Variants in BAZ2B observed in about 807,000 individuals in gnomAD.
BAZ2B encodes the protein bromodomain adjacent to zinc finger domain 2B.
BAZ2B carries 91 observed loss-of-function variants against 246.0 expected under a neutral mutation model. That is an observed-to-expected ratio of 0.37 (90% CI 0.31 to 0.44). The LOEUF is 0.44. BAZ2B is among the 20% of genes least tolerant of loss of function. The pLI, the probability that BAZ2B is intolerant of heterozygous loss-of-function variation, is 1.00. For synonymous variants in BAZ2B, 855 were observed against 860.0 expected, an observed-to-expected ratio of 0.99 and a Z score of 0.10; for missense variants, 2,332 against 2,533.7, an observed-to-expected ratio of 0.92 and a Z score of 1.71.
the BAZ2B span, among the ~76,000 whole-genome samples, chr2:159,708,565 A>C: frequency 3.1e-5 from 2 of 64,904 alleles, no homozygotes; most frequent in African/African-American, 1.3e-4. Context: ...TTATTTATTT[A>C]TTTATTTATT....
the BAZ2B span, among the ~76,000 whole-genome samples, chr2:159,649,825 T>C: frequency 2.0e-5 from 3 of 152,330 alleles, no homozygotes; most frequent in South Asian, 4.1e-4. Flanking sequence ...AAATATATTA[T>C]GCTATATTTA....
At chr2:159,410,134 G>C (rs778994475) in intron 14 of BAZ2B, among the ~76,000 whole-genome samples, 3 of 152,126 alleles carry the variant, frequency 2.0e-5, no homozygotes, top group Non-Finnish European at 2.9e-5. Context: ...TGCAAACAAT[G>C]TCCACATTCC....
chr2:159,387,279 G>T lies in BAZ2B; in HGVS notation c.3217-672C>A, dbSNP rs545794767. On this transcript the variant is annotated intron_variant, in intron 21 of 36. Transcript: ENST00000392783. Reference sequence around the variant, plus strand: ...TTCAGTATTAAAATTAGCTATCTCTGTTGTTATTTCTCAAATATGCTCACA... The same window carrying T: ...TTCAGTATTAAAATTAGCTATCTCTTTTGTTATTTCTCAAATATGCTCACA... Among the ~76,000 whole-genome samples the T allele has an allele frequency of 3.9e-5, 6 of 152,166 alleles. No homozygotes were observed. In the East Asian group the frequency reaches 1.2e-3, roughly 30 times the overall value.
At chr2:159,632,271 G>A in the BAZ2B span, among the ~76,000 whole-genome samples, 2 of 152,088 alleles carry the variant, frequency 1.3e-5, no homozygotes, top group Non-Finnish European at 2.9e-5. Flanking sequence ...GTTCACCCAA[G>A]CCAGTCACAC....
intron 2 of BAZ2B, among the ~76,000 whole-genome samples, chr2:159,504,219 A>G (rs1439502501): frequency 6.6e-6 from 1 of 152,018 alleles, no homozygotes; most frequent in East Asian, 1.9e-4. Context: ...TGTGCAGGTT[A>G]GTTACATATG....
intron 10 of BAZ2B, among the ~76,000 whole-genome samples, chr2:159,429,765 AAAATTTTCTAAGACCGAGATC>A (rs1446005113): frequency 4.6e-5 from 7 of 152,314 alleles, no homozygotes; most frequent in Admixed American, 1.3e-4. Context: ...ATTTTATGTA[AAAATTTTCTAAGACCGAGATC>A]AAGTTTCACA....
chr2:159,470,208 A>T (rs148914032), intron 3 of BAZ2B, among the ~76,000 whole-genome samples: 68 of 152,384 alleles, frequency 4.5e-4, no homozygotes, highest in African/African-American at 1.5e-3. Context: ...ATCATTTCAA[A>T]AAGTGCAGAA....
intron 24 of BAZ2B, 114 bp downstream of exon 24, chr2:159,383,492 T>C (rs2062250290): frequency 2.2e-6 from 2 of 916,446 alleles, no homozygotes; most frequent in African/African-American, 1.7e-5. Context: ...AAATTGAGCA[T>C]TATCTTTTCT....
rs917095841 is a variant in BAZ2B at position 159,319,181 on chromosome 2, G to A, written c.*1084C>T. ...TAGATAAAACACAGTGGTTACAAAC[G>A]TCTTTTAAATTTATTTCTGAGGCAA... On this transcript the variant is annotated 3_prime_UTR_variant, in exon 37 of 37. Coordinates refer to ENST00000392783, the MANE Select transcript of BAZ2B (RefSeq NM_013450.4). This position sits in a 1 kb window ranked among gnomAD's most constrained non-coding sequence, Gnocchi z 4.0. 6 of 152,552 alleles carry A rather than the reference G, an allele frequency of 3.9e-5. No individual in the cohort carries two copies. Among genetic ancestry groups the A allele is most frequent in the Non-Finnish European group, 8.8e-5 (6 of 68,016 alleles). The allele number at this position is 152,552 out of a possible 1,614,324, so 9.4% of individuals were successfully genotyped here. A position where few individuals can be genotyped will look rare whatever the true frequency, so the allele number is the denominator to read the frequency against.
At chr2:159,606,146 T>C (rs890483949) in intron 1 of BAZ2B, among the ~76,000 whole-genome samples, 4 of 152,230 alleles carry the variant, frequency 2.6e-5, no homozygotes. Flanking sequence ...GACAAAATCT[T>C]GATATGTTCC....
intron 4 of BAZ2B, among the ~76,000 whole-genome samples, chr2:159,449,250 A>G (rs1385743619): frequency 6.6e-6 from 1 of 152,186 alleles, no homozygotes; most frequent in Admixed American, 6.5e-5. Flanking sequence ...GGATGAAGTA[A>G]TCTTATATTG....
At chr2:159,355,024 T>C (rs920568866) in intron 27 of BAZ2B, among the ~76,000 whole-genome samples, 9 of 152,238 alleles carry the variant, frequency 5.9e-5, no homozygotes, top group African/African-American at 2.2e-4. Flanking sequence ...GTTCACTTAA[T>C]TGTTCTCACG....
chr2:159,409,276 CTT>C (rs1406381681), intron 14 of BAZ2B, among the ~76,000 whole-genome samples: 3 of 152,244 alleles, frequency 2.0e-5, no homozygotes, highest in Admixed American at 2.0e-4. Context: ...CAGCTCTTTT[CTT>C]TCTTAGTGTA....
At chr2:159,329,542 C>T (rs2064348176) in intron 34 of BAZ2B, among the ~76,000 whole-genome samples, 1 of 152,116 alleles carries the variant, frequency 6.6e-6, no homozygotes, top group South Asian at 2.1e-4. Flanking sequence ...CATACACACA[C>T]ACATACACGC....
the BAZ2B span, among the ~76,000 whole-genome samples, chr2:159,683,938 A>G: frequency 1.3e-5 from 2 of 152,190 alleles, no homozygotes; most frequent in Admixed American, 1.3e-4. Context: ...TCGAATGTGG[A>G]TATCTCTGGG....
Position 159,325,689 on chromosome 2 carries a change from G to A in BAZ2B, c.6173C>T (p.Pro2058Leu). The A allele has an allele frequency of 1.1e-5, 18 of 1,594,058 alleles. No homozygotes were observed. Among genetic ancestry groups the A allele is most frequent in the Non-Finnish European group, 1.5e-5 (18 of 1,175,612 alleles). The stretch of plus-strand genomic sequence containing the variant: ...TAGGTCCTTGGAGTCATCTCTTTTA[G>A]GTTTCTTAACTGAAGTAAAACTTTC... ...KQESFTSVKK[P>L]KRDDSKDLAL... The change falls in exon 35 of 37, where the codon CCT becomes CTT. Residue 2058 changes from proline to leucine, a missense_variant. This residue lies in a region of BAZ2B where 210 missense variants were observed against 232.5 expected (regional missense o/e 0.90). Coordinates refer to ENST00000392783, the MANE Select transcript of BAZ2B (RefSeq NM_013450.4).
chr2:159,407,008 C>A (rs1445454608), intron 14 of BAZ2B, among the ~76,000 whole-genome samples: 3 of 151,932 alleles, frequency 2.0e-5, no homozygotes, highest in African/African-American at 4.8e-5. Context: ...CCTGCCTCGG[C>A]CTCCCAAAGT....
rs147732284 is a variant in BAZ2B, at chr2:159,458,009, T to C, written c.146-4208A>G. On this transcript the variant is annotated intron_variant, in intron 3 of 36. Transcript: ENST00000392783. ...TAAGTCTGGCATTCCTGACTGCCTC[T>C]TTCATATTATTATTTTTTTGACATG... is the stretch of plus-strand genomic sequence containing the variant. 1.4e-3 allele frequency among the ~76,000 whole-genome samples: 220 copies of C among 152,256 alleles called. 2 individuals carry two copies. In the East Asian group the frequency reaches 0.038, roughly 26 times the overall value.
In BAZ2B at chr2:159,337,635, C is replaced by T. The variant is rs1250381896; in HGVS notation, c.5592G>A (p.Arg1864=). ...EDESSAHALE[R]KSDNPLDIAV... ...CTATATCTAGGGGGTTGTCACTCTTCCGTTCTAGTGCATGTGCACTGCTTT... is the reference window on the plus strand; with the variant it reads ...CTATATCTAGGGGGTTGTCACTCTTTCGTTCTAGTGCATGTGCACTGCTTT... Residue 1864 remains arginine, a synonymous_variant, in exon 32 of 37, where the codon CGG becomes CGA. Coordinates refer to ENST00000392783, the MANE Select transcript of BAZ2B (RefSeq NM_013450.4). The T allele has an allele frequency of 1.9e-6, 3 of 1,614,210 alleles. No individual in the cohort carries two copies. The highest frequency in any genetic ancestry group is 2.2e-5 in the South Asian group (2 of 91,092).
Sources: gnomAD v4.1 joint callset for allele counts (sites outside exome capture counted in the v4.1 genomes callset) on GRCh38, gnomAD v4.1.1 for gene constraint, gnomAD v4.1.1 regional missense constraint, Gnocchi (gnomAD v3.1) non-coding constraint, MANE v1.5 for transcripts, NCBI Gene and HGNC (gene_info 2026-07-23, HGNC 2026-07-21) for gene names.